Variants in BAZ2B observed in about 807,000 individuals in gnomAD.
BAZ2B encodes the protein bromodomain adjacent to zinc finger domain 2B, also known as bromodomain adjacent to zinc finger domain protein 2B.
In BAZ2B, 91 loss-of-function variants were observed where a neutral mutation model predicts 246.0. The ratio of observed to expected loss-of-function variants is 0.37; its 90% CI spans 0.31 to 0.44. The LOEUF is 0.44. BAZ2B is among the 20% of genes least tolerant of loss of function. The probability of loss-of-function intolerance (pLI) is 1.00; values close to 1 mark genes in which losing one functional copy is unlikely to be tolerated. For missense variants in BAZ2B, 2,332 were observed against 2,533.7 expected (o/e 0.92, Z 1.71); for synonymous variants, 855 against 860.0 (o/e 0.99, Z 0.10).
chr2:159,498,463 A>G (rs1314632569), intron 2 of BAZ2B, among the ~76,000 whole-genome samples: 1 of 152,216 alleles, frequency 6.6e-6, no homozygotes, highest in Non-Finnish European at 1.5e-5. Context: ...TTAGCTTTAG[A>G]TAATAGTATA....
rs568131213 is a variant in BAZ2B at position 159,575,704 on chromosome 2, T to C, written c.-45-19839A>G. On this transcript the variant is annotated intron_variant, in intron 1 of 36. Coordinates refer to ENST00000392783, the MANE Select transcript of BAZ2B (RefSeq NM_013450.4). The stretch of plus-strand genomic sequence containing the variant: ...AAAACAATGTTGGTAGACTAGAAAT[T>C]GGAATAATAGGTCAAAATCCACAAA... Among the ~76,000 whole-genome samples the C allele has an allele frequency of 2.8e-4, 42 of 152,238 alleles. No homozygotes were observed. In the East Asian group the frequency reaches 7.7e-3, roughly 28 times the overall value.
chr2:159,382,431 G>A (rs2149502609), intron 25 of BAZ2B, 128 bp downstream of exon 25: 7 of 997,824 alleles, frequency 7.0e-6, no homozygotes, highest in Non-Finnish European at 8.6e-6. Flanking sequence ...TTGTTTTTCA[G>A]ATGAGGAAAC....
chr2:159,436,645 G>A (rs1242880426), intron 8 of BAZ2B, among the ~76,000 whole-genome samples: 1 of 152,184 alleles, frequency 6.6e-6, no homozygotes, highest in East Asian at 1.9e-4. Context: ...CAGCTACTCG[G>A]GAGGCTGAGG....
intron 1 of BAZ2B, among the ~76,000 whole-genome samples, chr2:159,584,278 C>T (rs1421910484): frequency 2.0e-5 from 3 of 152,086 alleles, no homozygotes; most frequent in African/African-American, 4.8e-5. Flanking sequence ...TGTGCCACCA[C>T]ACCGGGCTAA....
At chr2:159,594,656 T>C (rs1418901860) in intron 1 of BAZ2B, among the ~76,000 whole-genome samples, 1 of 151,658 alleles carries the variant, frequency 6.6e-6, no homozygotes, top group Non-Finnish European at 1.5e-5. Flanking sequence ...TCTTGACATG[T>C]AATCTTGTTT....
At chr2:159,642,777 C>T in the BAZ2B span, among the ~76,000 whole-genome samples, 2 of 152,164 alleles carry the variant, frequency 1.3e-5, no homozygotes, top group Non-Finnish European at 2.9e-5. Flanking sequence ...CCTTCTTCTC[C>T]TATAAATTAA....
chr2:159,351,838 A>G (rs982953325), intron 27 of BAZ2B, among the ~76,000 whole-genome samples: 9 of 152,368 alleles, frequency 5.9e-5, no homozygotes, highest in Admixed American at 1.3e-4. Flanking sequence ...GAAAAGTAAT[A>G]TGCTCACAAG....
intron 27 of BAZ2B, among the ~76,000 whole-genome samples, chr2:159,363,141 C>T (rs761661763): frequency 6.6e-6 from 1 of 152,168 alleles, no homozygotes; most frequent in African/African-American, 2.4e-5. Context: ...AACACATGAC[C>T]TGGTTAAACA....
the BAZ2B span, among the ~76,000 whole-genome samples, chr2:159,672,705 A>C: frequency 6.6e-6 from 1 of 152,194 alleles, no homozygotes; most frequent in Non-Finnish European, 1.5e-5. Context: ...AAAAACTGAC[A>C]AGTATAGATT....
At chr2:159,624,949 A>C in the BAZ2B span, among the ~76,000 whole-genome samples, 1 of 152,088 alleles carries the variant, frequency 6.6e-6, no homozygotes, top group Non-Finnish European at 1.5e-5. Flanking sequence ...AGGTTAGAGG[A>C]ACTGCTAACT....
At chr2:159,665,881 T>C in the BAZ2B span, among the ~76,000 whole-genome samples, 1 of 152,314 alleles carries the variant, frequency 6.6e-6, no homozygotes, top group Non-Finnish European at 1.5e-5. Flanking sequence ...CAGCATCCCA[T>C]ATGGACATCT....
chr2:159,682,409 G>A, the BAZ2B span, among the ~76,000 whole-genome samples: 1 of 151,812 alleles, frequency 6.6e-6, no homozygotes, highest in Non-Finnish European at 1.5e-5. Flanking sequence ...GAACTCCCAG[G>A]CTCAAGTGAT....
At chr2:159,625,399 A>C in the BAZ2B span, among the ~76,000 whole-genome samples, 12 of 152,206 alleles carry the variant, frequency 7.9e-5, no homozygotes, top group Non-Finnish European at 1.5e-4. Flanking sequence ...GTTGAAATGA[A>C]GGAAAAAATG....
At chr2:159,644,675 T>C in the BAZ2B span, among the ~76,000 whole-genome samples, 1 of 152,220 alleles carries the variant, frequency 6.6e-6, no homozygotes. Context: ...TCTTTCTCTG[T>C]CCTCAGTTCA....
At chr2:159,470,707 A>G (rs539777987) in intron 3 of BAZ2B, among the ~76,000 whole-genome samples, 1 of 152,342 alleles carries the variant, frequency 6.6e-6, no homozygotes, top group Non-Finnish European at 1.5e-5. Flanking sequence ...AGGGTGAAAG[A>G]GAAATAGATA....
chr2:159,384,556 T>A (rs1199786383), intron 23 of BAZ2B, among the ~76,000 whole-genome samples: 1 of 152,124 alleles, frequency 6.6e-6, no homozygotes, highest in African/African-American at 2.4e-5. Flanking sequence ...AAGATGAACA[T>A]GAATTTGTTC....
intron 2 of BAZ2B, among the ~76,000 whole-genome samples, chr2:159,521,852 A>G (rs548485501): frequency 1.3e-5 from 2 of 152,190 alleles, no homozygotes; most frequent in African/African-American, 4.8e-5. Flanking sequence ...AAAATTTTTT[A>G]TCAATATTTC....
chr2:159,392,496 C>A (rs1026708441), intron 20 of BAZ2B, among the ~76,000 whole-genome samples: 1 of 152,116 alleles, frequency 6.6e-6, no homozygotes, highest in Non-Finnish European at 1.5e-5. Flanking sequence ...GTATAAGCCT[C>A]TTCTAGAGGG....
the BAZ2B span, among the ~76,000 whole-genome samples, chr2:159,703,783 T>G: frequency 6.6e-6 from 1 of 152,122 alleles, no homozygotes; most frequent in South Asian, 2.1e-4. Context: ...TAGGATCTCT[T>G]GAGCCCAGGA....
Sources: gnomAD v4.1 joint callset for allele counts (sites outside exome capture counted in the v4.1 genomes callset) on GRCh38, gnomAD v4.1.1 for gene constraint, MANE v1.5 for transcripts, NCBI Gene and HGNC (gene_info 2026-07-23, HGNC 2026-07-21) for gene names.